The following MEIS2 variants were observed in gnomAD, a reference collection of about 807,000 sequenced individuals.
The protein encoded by MEIS2 is Meis homeobox 2.
In MEIS2, 9 loss-of-function variants were observed where a neutral mutation model predicts 58.6. That is an observed-to-expected ratio of 0.15 (90% confidence interval 0.09 to 0.27). The LOEUF (loss-of-function observed/expected upper bound fraction) is 0.27. Ranked by LOEUF, MEIS2 falls within the 10% of genes least tolerant of loss-of-function variation. MEIS2 has a pLI of 1.00. For synonymous variants in MEIS2, 221 were observed against 228.4 expected, an observed-to-expected ratio of 0.97 and a Z score of 0.29; for missense variants, 427 against 635.0, an observed-to-expected ratio of 0.67 and a Z score of 3.52.
chr15:36,911,275 G>A (rs1327108771), intron 9 of MEIS2, among the ~76,000 whole-genome samples: 1 of 147,604 alleles, frequency 6.8e-6, no homozygotes, highest in Non-Finnish European at 1.5e-5. Flanking sequence ...AATAACGTGT[G>A]TGTGTGTGTG....
chr15:37,079,481 C>T (rs1287093886), intron 7 of MEIS2, among the ~76,000 whole-genome samples: 1 of 151,994 alleles, frequency 6.6e-6, no homozygotes, highest in East Asian at 1.9e-4. Context: ...ATTCAGGACC[C>T]ACAGTAAGTG....
chr15:36,950,616 C>G (rs1396452017), intron 8 of MEIS2, among the ~76,000 whole-genome samples: 3 of 152,030 alleles, frequency 2.0e-5, no homozygotes, highest in African/African-American at 7.3e-5. Flanking sequence ...GTAGGGCCAG[C>G]AGTAAAAAGC....
chr15:36,936,784 A>C (rs2058191195), intron 9 of MEIS2, among the ~76,000 whole-genome samples: 1 of 152,194 alleles, frequency 6.6e-6, no homozygotes, highest in Non-Finnish European at 1.5e-5. Flanking sequence ...ATTTTCATGT[A>C]TTTCTCCAAA....
upstream of MEIS2, chr15:37,100,573 G>C (rs1258937282): frequency 6.6e-6 from 1 of 151,356 alleles, no homozygotes; most frequent in African/African-American, 2.4e-5. Context: ...CGGCTGGGGG[G>C]GTGGGGGAGG....
chr15:36,993,528 A>G (rs577880655), intron 8 of MEIS2, among the ~76,000 whole-genome samples: 33 of 152,284 alleles, frequency 2.2e-4, no homozygotes, highest in Admixed American at 2.0e-3. Context: ...TTTTAAGGAT[A>G]ATTTTAAGCT....
chr15:36,977,395 G>A (rs1361040772), intron 8 of MEIS2, among the ~76,000 whole-genome samples: 4 of 152,136 alleles, frequency 2.6e-5, no homozygotes. Context: ...TGGAAGGAAT[G>A]GGGAAGTAAA....
intron 8 of MEIS2, among the ~76,000 whole-genome samples, chr15:36,982,960 G>A: frequency 6.6e-6 from 1 of 152,066 alleles, no homozygotes; most frequent in Non-Finnish European, 1.5e-5. Context: ...TTGGAAAAAT[G>A]TCTATTCCAG....
At chr15:36,931,874 T>A (rs1349638297) in intron 9 of MEIS2, among the ~76,000 whole-genome samples, 2 of 152,196 alleles carry the variant, frequency 1.3e-5, no homozygotes, top group African/African-American at 4.8e-5. Flanking sequence ...CGTTTAAAAT[T>A]TCTATAGATA....
intron 8 of MEIS2, among the ~76,000 whole-genome samples, chr15:37,010,746 T>G (rs747992010): frequency 1.3e-5 from 2 of 152,250 alleles, no homozygotes; most frequent in Admixed American, 1.3e-4. Flanking sequence ...TTAAAATGAA[T>G]TTTAAAACTT....
intron 7 of MEIS2, among the ~76,000 whole-genome samples, chr15:37,080,297 T>G (rs2141904034): frequency 6.6e-6 from 1 of 152,204 alleles, no homozygotes; most frequent in Non-Finnish European, 1.5e-5. Flanking sequence ...CTCATCAATA[T>G]TCTCCAATTT....
chr15:36,913,273 A>T (rs1236655911), intron 9 of MEIS2, among the ~76,000 whole-genome samples: 1 of 152,234 alleles, frequency 6.6e-6, no homozygotes, highest in Non-Finnish European at 1.5e-5. Context: ...ATGTGGTTGC[A>T]GATTATATTT....
chr15:37,083,764 CT>C lies in MEIS2; in HGVS notation c.754+6del. ...ACTTTGCACGAGGAAAATGTTTGAC[CT>C]TTTACCTTGCTCACTGCTGTTGTCT... On this transcript the variant is annotated splice_donor_region_variant and intron_variant, in intron 7 of 11. Transcript: ENST00000561208. 1 of 1,610,948 alleles carries C rather than the reference CT, an allele frequency of 6.2e-7. No individual in the cohort carries two copies. Among genetic ancestry groups the C allele is most frequent in the Non-Finnish European group, 8.5e-7 (1 of 1,178,406 alleles).
At position 37,032,078 on chromosome 15, in the gene MEIS2, G is replaced by A. The variant is rs1034563576; in HGVS notation, c.900+4736C>T. 3.3e-5 allele frequency among the ~76,000 whole-genome samples: 5 copies of A among 152,058 alleles called. No individual in the cohort carries two copies. In the South Asian group the frequency reaches 6.2e-4, roughly 19 times the overall value. On this transcript the variant is annotated intron_variant, in intron 8 of 11. Coordinates refer to ENST00000561208, the MANE Select transcript of MEIS2 (RefSeq NM_170675.5). ...TGGTGTCAAACTCCTAGCCCCAAGC[G>A]ATCCTCCCCACTTGGCTTATATCAC...
chr15:36,974,056 T>A (rs546882318), intron 8 of MEIS2, among the ~76,000 whole-genome samples: 2 of 152,298 alleles, frequency 1.3e-5, no homozygotes, highest in South Asian at 4.1e-4. Flanking sequence ...TCAATAAAAA[T>A]CAGTCACATT....
chr15:36,894,796 C>A lies in MEIS2; in HGVS notation c.1147+355G>T. 4 of 1,613,028 alleles carry A rather than the reference C, an allele frequency of 2.5e-6. No individual in the cohort carries two copies. The highest frequency in any genetic ancestry group is 3.4e-6 in the Non-Finnish European group (4 of 1,179,072). ...GCCCATCCATGCCCATATTCATGCC[C>A]ATTCCACTCATAGGTCCTAGAAAGG... is the stretch of plus-strand genomic sequence containing the variant. On this transcript the variant is annotated intron_variant, in intron 11 of 11. Transcript: ENST00000561208.
chr15:37,060,312 C>CA (rs1889036271), intron 7 of MEIS2, among the ~76,000 whole-genome samples: 1 of 152,092 alleles, frequency 6.6e-6, no homozygotes, highest in Non-Finnish European at 1.5e-5. Context: ...CAGGAACTGA[C>CA]AAAAATACAT....
chr15:37,096,087 G>T (rs1462243098), intron 3 of MEIS2: 1 of 550,550 alleles, frequency 1.8e-6, no homozygotes, highest in South Asian at 2.9e-5. Flanking sequence ...TATTCCTGCT[G>T]GGGGGGAAAA....
intron 9 of MEIS2, among the ~76,000 whole-genome samples, chr15:36,901,557 T>C (rs2056473622): frequency 6.6e-6 from 1 of 152,176 alleles, no homozygotes; most frequent in African/African-American, 2.4e-5. Context: ...GAGATTCATA[T>C]GTTACTTAGG....
intron 9 of MEIS2, among the ~76,000 whole-genome samples, chr15:36,912,025 CAT>C (rs1157301651): frequency 1.3e-5 from 2 of 151,492 alleles, no homozygotes; most frequent in Non-Finnish European, 2.9e-5. Context: ...GTTGTATTAA[CAT>C]ATATTAACTG....
Sources: gnomAD v4.1 joint callset for allele counts (sites outside exome capture counted in the v4.1 genomes callset) on GRCh38, gnomAD v4.1.1 for gene constraint, MANE v1.5 for transcripts, NCBI Gene and HGNC (gene_info 2026-07-23, HGNC 2026-07-21) for gene names.